Variants in SLC12A7 observed in about 807,000 individuals in gnomAD.
SLC12A7 encodes K-Cl cotransporter 4.
A neutral mutation model predicts 120.6 loss-of-function variants in SLC12A7; 100 were observed. The observed-to-expected ratio is 0.83, with a 90% CI of 0.71 to 0.98. The LOEUF is 0.98. Ranked by LOEUF, SLC12A7 falls within the 50% of genes least tolerant of loss-of-function variation. SLC12A7 has a pLI of 0.00. For missense variants in SLC12A7, 1,373 were observed against 1,548.1 expected, an observed-to-expected ratio of 0.89 and a Z score of 1.90; for synonymous variants, 760 against 678.0, an observed-to-expected ratio of 1.12 and a Z score of -1.88.
intron 14 of SLC12A7, 136 bp downstream of exon 14, chr5:1,076,002 C>T: frequency 1.5e-6 from 1 of 678,532 alleles, no homozygotes; most frequent in Non-Finnish European, 2.5e-6. Context: ...AGGCCCAGAG[C>T]AGCTGGCCTT....
At chr5:1,074,816 C>A (rs533361755) in intron 15 of SLC12A7, 145 bp from the exon 16 acceptor site, 4 of 703,738 alleles carry the variant, frequency 5.7e-6, no homozygotes, top group Non-Finnish European at 9.5e-6. Flanking sequence ...GGCCTCCATG[C>A]CCACCCTTGC....
At chr5:1,101,506 G>A (rs1053248880) in intron 1 of SLC12A7, among the ~76,000 whole-genome samples, 1 of 152,160 alleles carries the variant, frequency 6.6e-6, no homozygotes, top group Non-Finnish European at 1.5e-5. Context: ...AGCCGCTGGT[G>A]GAGAACCAGC....
chr5:1,120,132 G>A, the SLC12A7 span, among the ~76,000 whole-genome samples: 5 of 152,266 alleles, frequency 3.3e-5, no homozygotes. Flanking sequence ...AGCACAGATT[G>A]ACACTCAGAA....
chr5:1,078,612 A>T, intron 11 of SLC12A7, 89 bp downstream of exon 11: 1 of 1,078,390 alleles, frequency 9.3e-7, no homozygotes. Flanking sequence ...ATGAAGTCCT[A>T]GGGCGATGTA....
chr5:1,117,658 A>T, the SLC12A7 span, among the ~76,000 whole-genome samples: 1 of 152,054 alleles, frequency 6.6e-6, no homozygotes, highest in Non-Finnish European at 1.5e-5. This position sits in a 1 kb window ranked among gnomAD's most constrained non-coding sequence, Gnocchi z 4.5. Context: ...TGATCTTGTG[A>T]CCCCCACCAG....
chr5:1,121,100 C>G, the SLC12A7 span, among the ~76,000 whole-genome samples: 4 of 152,228 alleles, frequency 2.6e-5, no homozygotes, highest in African/African-American at 9.6e-5. Flanking sequence ...TGCCCGCCAC[C>G]GTTCCCCAAG....
intron 20 of SLC12A7, among the ~76,000 whole-genome samples, chr5:1,061,326 G>A (rs1357309160): frequency 3.2e-4 from 3 of 9,286 alleles, no homozygotes; most frequent in African/African-American, 3.4e-4. Context: ...CCCGCCGTGC[G>A]GGATCCCTGA....
chr5:1,076,339 G>T, intron 13 of SLC12A7, 103 bp from the exon 14 acceptor site: 1 of 886,824 alleles, frequency 1.1e-6, no homozygotes, highest in Non-Finnish European at 1.7e-6. Flanking sequence ...TCCCACCTGC[G>T]CCTTGTCTCC....
intron 3 of SLC12A7, 67 bp from the exon 4 acceptor site, chr5:1,089,195 C>T: frequency 4.5e-6 from 7 of 1,560,810 alleles, no homozygotes; most frequent in Admixed American, 1.7e-5. Flanking sequence ...CCTCCCCAGG[C>T]TGCACTCAGG....
At chr5:1,146,745 C>T in the SLC12A7 span, among the ~76,000 whole-genome samples, 11 of 152,236 alleles carry the variant, frequency 7.2e-5, no homozygotes, top group Non-Finnish European at 1.6e-4. This position sits in a 1 kb window ranked among gnomAD's most constrained non-coding sequence, Gnocchi z 6.5. Flanking sequence ...ACCTTGGCCT[C>T]CACAGCCCCT....
chr5:1,144,930 G>A, the SLC12A7 span, among the ~76,000 whole-genome samples: 19 of 152,234 alleles, frequency 1.2e-4, no homozygotes, highest in African/African-American at 4.1e-4. Flanking sequence ...GATTCGGAAC[G>A]TCCTGAGGCA....
chr5:1,110,040 C>T (rs768833982), intron 1 of SLC12A7, among the ~76,000 whole-genome samples: 1 of 152,244 alleles, frequency 6.6e-6, no homozygotes, highest in Non-Finnish European at 1.5e-5. Flanking sequence ...CTTCCCCAGG[C>T]TCCGTGCCCA....
In SLC12A7 at chr5:1,075,498, C is replaced by A. The variant is rs561542043; in HGVS notation, c.1848-8G>T. 6.2e-7 allele frequency: 1 copy of A among 1,607,606 alleles called. No individual in the cohort carries two copies. Among genetic ancestry groups the A allele is most frequent in the South Asian group, 1.1e-5 (1 of 90,866 alleles). On this transcript the variant is annotated splice_region_variant and splice_polypyrimidine_tract_variant and intron_variant, in intron 14 of 23. Transcript: ENST00000264930. ...CCCAGAAAGGACAGGGTCCTGGGGG[C>A]GGGGCAAGTGGCTCGGGGCGGCCCA...
chr5:1,077,287 G>C (rs1738466226), intron 12 of SLC12A7, among the ~76,000 whole-genome samples: 2 of 152,226 alleles, frequency 1.3e-5, no homozygotes, highest in Admixed American at 1.3e-4. Flanking sequence ...ACCCTGCCGA[G>C]GGACCAGCGA....
rs202173375 is a variant in SLC12A7 at position 1,063,900 on chromosome 5, G to A, written c.2683C>T (p.Leu895=). 410 of 1,611,698 alleles carry A rather than the reference G, an allele frequency of 2.5e-4. 1 individual carries two copies. The highest frequency in any genetic ancestry group is 4.8e-4 in the Admixed American group (29 of 59,904). Residue 895 remains leucine (L), a synonymous_variant, in exon 20 of 24, where the codon CTG becomes TTG. Transcript: ENST00000264930. ...CGCAAGTGGTACAAGAACATCTGCAGGTCCTTCTTCATCTGGATGCTGTTG... is the reference window on the plus strand; with the variant it reads ...CGCAAGTGGTACAAGAACATCTGCAAGTCCTTCTTCATCTGGATGCTGTTG... ...DDNSIQMKKD[L]QMFLYHLRIS... is the part of the protein sequence containing the mutation.
chr5:1,053,212 G>T (rs1263612106), intron 23 of SLC12A7, 137 bp downstream of exon 23: 1 of 1,152,604 alleles, frequency 8.7e-7, no homozygotes, highest in Non-Finnish European at 1.2e-6. Context: ...CTGCATCCCG[G>T]TCGTAGCTCC....
At position 1,064,218 on chromosome 5, in the gene SLC12A7, A is replaced by G; in HGVS notation, c.2472T>C (p.Ala824=). 2 of 1,612,162 alleles carry G rather than the reference A, an allele frequency of 1.2e-6. No homozygotes were observed. Among genetic ancestry groups the G allele is most frequent in the Non-Finnish European group, 1.7e-6 (2 of 1,179,612 alleles). The change falls in exon 19 of 24, where the codon GCT becomes GCC. Residue 824 remains alanine, a synonymous_variant. Coordinates refer to ENST00000264930, the MANE Select transcript of SLC12A7 (RefSeq NM_006598.3). The part of the protein sequence containing the change: ...TVRDTTAAHQ[A]LLVAKNVDSF... ...AGTCGACGTTCTTGGCCACCAGCAG[A>G]GCCTGGTGCGCGGCGGTGGTGTCGC...
At position 1,057,596 on chromosome 5, in the gene SLC12A7, C is replaced by A; in HGVS notation, c.2901G>T (p.Arg967Ser). Reference protein sequence around the residue: ...NTASHTAAAARTQAPPTPDKV... With the variant: ...NTASHTAAAASTQAPPTPDKV... The stretch of plus-strand genomic sequence containing the variant: ...TGTCTGGCGTAGGCGGCGCTTGGGT[C>A]CTGGCTGCCGCCGCGGTGTGGGACG... The change falls in exon 22 of 24, where the codon AGG becomes AGT. Residue 967 changes from arginine to serine, a missense_variant. Physicochemically the swap from Arg to Ser is moderately radical, Grantham distance 110. Coordinates refer to ENST00000264930, the MANE Select transcript of SLC12A7 (RefSeq NM_006598.3). 2 of 1,609,878 alleles carry A rather than the reference C, an allele frequency of 1.2e-6. No homozygotes were observed. Among genetic ancestry groups the A allele is most frequent in the Non-Finnish European group, 1.7e-6 (2 of 1,179,924 alleles).
chr5:1,115,289 G>A (rs76489291), upstream of SLC12A7, among the ~76,000 whole-genome samples: 5,591 of 144,938 alleles, frequency 0.039, 353 homozygotes, highest in African/African-American at 0.14. Flanking sequence ...AGTCCCTGCT[G>A]CCTGCCACCC....
Sources: gnomAD v4.1 joint callset for allele counts (sites outside exome capture counted in the v4.1 genomes callset) on GRCh38, gnomAD v4.1.1 for gene constraint, Gnocchi (gnomAD v3.1) non-coding constraint, MANE v1.5 for transcripts, NCBI Gene and HGNC (gene_info 2026-07-23, HGNC 2026-07-21) for gene names.